The following LINGO2 variants were observed in gnomAD, a reference collection of about 807,000 sequenced individuals.
LINGO2 encodes leucine-rich repeat and immunoglobulin-like domain-containing nogo receptor-interacting protein 2.
In LINGO2, 14 loss-of-function variants were observed where a neutral mutation model predicts 30.6. The observed-to-expected ratio is 0.46, with a 90% CI of 0.30 to 0.72. LINGO2 has a LOEUF of 0.72. Ranked by LOEUF, LINGO2 falls within the 30% of genes least tolerant of loss-of-function variation. The pLI is 0.07. For missense variants in LINGO2, 729 were observed against 751.7 expected, an observed-to-expected ratio of 0.97 and a Z score of 0.35; for synonymous variants, 317 against 288.5, an observed-to-expected ratio of 1.10 and a Z score of -1.00.
chr9:29,080,973 G>A, the LINGO2 span, among the ~76,000 whole-genome samples: 5 of 151,716 alleles, frequency 3.3e-5, no homozygotes, highest in African/African-American at 9.6e-5. Context: ...TCCGCTTGGT[G>A]CTCAGCCAAA....
chr9:28,373,300 T>G (rs750052957), intron 2 of LINGO2, among the ~76,000 whole-genome samples: 10 of 152,194 alleles, frequency 6.6e-5, no homozygotes, highest in Non-Finnish European at 1.3e-4. Flanking sequence ...AGGTTCTATA[T>G]TTCTACTCTT....
chr9:28,947,913 T>A, the LINGO2 span, among the ~76,000 whole-genome samples: 5 of 152,132 alleles, frequency 3.3e-5, no homozygotes, highest in African/African-American at 1.2e-4. Flanking sequence ...CCAGTGGATT[T>A]CCTAGATGAA....
chr9:28,985,952 T>C, the LINGO2 span, among the ~76,000 whole-genome samples: 1 of 152,064 alleles, frequency 6.6e-6, no homozygotes. Context: ...CAATGTTGTG[T>C]TTCTCCTATG....
chr9:29,156,022 T>C, the LINGO2 span, among the ~76,000 whole-genome samples: 1 of 152,118 alleles, frequency 6.6e-6, no homozygotes, highest in Non-Finnish European at 1.5e-5. Context: ...GGAGAAGTGA[T>C]AGCAACAAAA....
At chr9:28,243,702 A>G (rs945183489) in intron 4 of LINGO2, among the ~76,000 whole-genome samples, 1 of 152,150 alleles carries the variant, frequency 6.6e-6, no homozygotes, top group Non-Finnish European at 1.5e-5. Flanking sequence ...TAAACCAAAA[A>G]AGATTAAAAG....
intron 2 of LINGO2, among the ~76,000 whole-genome samples, chr9:28,408,689 C>T (rs1822614265): frequency 6.7e-6 from 1 of 149,582 alleles, no homozygotes; most frequent in Non-Finnish European, 1.5e-5. Flanking sequence ...TTAATGGGTG[C>T]AGCACACCAA....
intron 2 of LINGO2, among the ~76,000 whole-genome samples, chr9:28,443,777 G>T (rs1219672195): frequency 6.6e-6 from 1 of 152,134 alleles, no homozygotes; most frequent in Non-Finnish European, 1.5e-5. Flanking sequence ...TGGACAGCCT[G>T]AGCACCACAA....
chr9:28,296,582 A>G (rs192669223), intron 3 of LINGO2, among the ~76,000 whole-genome samples: 3 of 152,348 alleles, frequency 2.0e-5, no homozygotes. Flanking sequence ...GTTAAAAGGC[A>G]CAACAGTATG....
At chr9:28,320,507 AAT>A (rs1245000520) in intron 3 of LINGO2, among the ~76,000 whole-genome samples, 1 of 152,168 alleles carries the variant, frequency 6.6e-6, no homozygotes, top group Non-Finnish European at 1.5e-5. Flanking sequence ...GCTCTGGAGA[AAT>A]AGTTATATGG....
the LINGO2 span, among the ~76,000 whole-genome samples, chr9:28,977,002 C>T: frequency 0.65 from 98,925 of 151,894 alleles, 32,799 homozygotes; most frequent in Non-Finnish European, 0.72. Context: ...TTTCAGTTAG[C>T]GTTTATAAAT....
intron 2 of LINGO2, among the ~76,000 whole-genome samples, chr9:28,387,549 T>C (rs1349471308): frequency 6.6e-6 from 1 of 152,224 alleles, no homozygotes; most frequent in Non-Finnish European, 1.5e-5. Context: ...TTGGTGCTGC[T>C]CACTCTTTGG....
intron 1 of LINGO2, among the ~76,000 whole-genome samples, chr9:28,594,452 C>T (rs1825075144): frequency 6.6e-6 from 1 of 152,036 alleles, no homozygotes; most frequent in African/African-American, 2.4e-5. Context: ...AGTCAAACTG[C>T]TTGCAAATAC....
chr9:28,243,427 T>C (rs1821876354), intron 4 of LINGO2, among the ~76,000 whole-genome samples: 1 of 147,910 alleles, frequency 6.8e-6, no homozygotes, highest in African/African-American at 2.5e-5. Flanking sequence ...GCTACTGCCT[T>C]CCAGCCTGTG....
intron 4 of LINGO2, among the ~76,000 whole-genome samples, chr9:28,097,101 C>T (rs188794370): frequency 6.6e-6 from 1 of 152,086 alleles, no homozygotes; most frequent in East Asian, 1.9e-4. Context: ...CCATCACTGG[C>T]CATCAGAGAA....
intron 4 of LINGO2, among the ~76,000 whole-genome samples, chr9:28,062,680 A>G (rs1439482205): frequency 4.1e-5 from 6 of 145,474 alleles, no homozygotes; most frequent in Non-Finnish European, 7.5e-5. Context: ...AATCAAATAT[A>G]TATATTTTGT....
At chr9:28,100,366 G>A (rs908848105) in intron 4 of LINGO2, among the ~76,000 whole-genome samples, 10 of 152,116 alleles carry the variant, frequency 6.6e-5, no homozygotes, top group African/African-American at 1.9e-4. Flanking sequence ...CTTTCAAACA[G>A]CTAACTCATA....
At position 28,042,438 on chromosome 9, in the gene LINGO2, T is replaced by C. The variant is rs545890549; in HGVS notation, c.-86-30033A>G. On this transcript the variant is annotated intron_variant, in intron 4 of 5. Transcript: ENST00000379992. ...CTGGTATATGCTGGGAGTTTGAGGATGAGCTATGTCTTTGACTGTCATATG... is the reference window on the plus strand; with the variant it reads ...CTGGTATATGCTGGGAGTTTGAGGACGAGCTATGTCTTTGACTGTCATATG... 4.6e-5 allele frequency among the ~76,000 whole-genome samples: 7 copies of C among 152,332 alleles called. No individual in the cohort carries two copies. In the South Asian group the frequency reaches 1.4e-3, roughly 32 times the overall value.
the LINGO2 span, among the ~76,000 whole-genome samples, chr9:29,026,191 T>C: frequency 0.4 from 60,722 of 151,694 alleles, 12,331 homozygotes; most frequent in East Asian, 0.54. Context: ...CACCACCATG[T>C]CCAGCTAATC....
At chr9:29,115,934 A>C in the LINGO2 span, among the ~76,000 whole-genome samples, 1 of 152,102 alleles carries the variant, frequency 6.6e-6, no homozygotes, top group Non-Finnish European at 1.5e-5. Flanking sequence ...TTTTAACTGT[A>C]TATCACTTAT....
Sources: gnomAD v4.1 joint callset for allele counts (sites outside exome capture counted in the v4.1 genomes callset) on GRCh38, gnomAD v4.1.1 for gene constraint, MANE v1.5 for transcripts, NCBI Gene and HGNC (gene_info 2026-07-23, HGNC 2026-07-21) for gene names.